The following DEUP1 variants were observed in gnomAD, a reference collection of about 807,000 sequenced individuals.
The protein encoded by DEUP1 is deuterosome assembly protein 1.
DEUP1 carries 82 observed loss-of-function variants against 87.4 expected under a neutral mutation model. That is an observed-to-expected ratio of 0.94 (90% CI 0.78 to 1.13). DEUP1 has a LOEUF of 1.13. Among genes scored for constraint, DEUP1 ranks in the 50% most tolerant of loss-of-function variants. DEUP1 has a pLI of 0.00. For missense variants in DEUP1, 663 were observed against 681.5 expected (o/e 0.97, Z 0.30); for synonymous variants, 214 against 222.7 (o/e 0.96, Z 0.35).
intron 9 of DEUP1, 87 bp from the exon 10 acceptor site, chr11:93,394,372 T>A: frequency 3.1e-6 from 3 of 957,534 alleles, no homozygotes; most frequent in Non-Finnish European, 4.5e-6. Flanking sequence ...AGTTTCAGAA[T>A]AGAAGGACTG....
At chr11:93,357,195 T>C in intron 4 of DEUP1, 152 bp downstream of exon 4, 1 of 561,262 alleles carries the variant, frequency 1.8e-6, no homozygotes, top group East Asian at 3.2e-5. Flanking sequence ...TTTATATGCA[T>C]TGATTTTGTC....
chr11:93,417,549 G>T (rs1338489412), intron 13 of DEUP1, among the ~76,000 whole-genome samples: 1 of 152,170 alleles, frequency 6.6e-6, no homozygotes, highest in Admixed American at 6.6e-5. Context: ...ACAAATGGAA[G>T]AACATTCCAT....
chr11:93,357,141 A>C, intron 4 of DEUP1, 98 bp downstream of exon 4: 1 of 703,166 alleles, frequency 1.4e-6, no homozygotes, highest in South Asian at 2.0e-5. Context: ...GTATAAACAA[A>C]TGTCTTGTAT....
chr11:93,375,006 T>G (rs1214430420), intron 7 of DEUP1, among the ~76,000 whole-genome samples: 1 of 151,600 alleles, frequency 6.6e-6, no homozygotes, highest in African/African-American at 2.4e-5. Context: ...CTTGGGTAGG[T>G]ATATTCCTAA....
chr11:93,406,051 T>C (rs1031074265), intron 11 of DEUP1, among the ~76,000 whole-genome samples: 2 of 152,002 alleles, frequency 1.3e-5, no homozygotes, highest in African/African-American at 4.8e-5. Flanking sequence ...GTTTTTATTG[T>C]GAGAATATAT....
chr11:93,430,537 T>A (rs1948072615), intron 13 of DEUP1, among the ~76,000 whole-genome samples: 1 of 152,066 alleles, frequency 6.6e-6, no homozygotes, highest in South Asian at 2.1e-4. Context: ...AATAGGTAAA[T>A]GAAATCCACT....
At chr11:93,414,921 T>C in intron 12 of DEUP1, 79 bp from the exon 13 acceptor site, 1 of 749,902 alleles carries the variant, frequency 1.3e-6, no homozygotes, top group Non-Finnish European at 2.0e-6. Flanking sequence ...CTTGGACATC[T>C]GAGAGATTAA....
In DEUP1 at chr11:93,420,443, C is replaced by A. The variant is rs1476810008; in HGVS notation, c.1638+5329C>A. ...TCATAAGAGCTATCTATGACAAACC[C>A]ATAGCCAATATCATACTGAATGGGC... On this transcript the variant is annotated intron_variant, in intron 13 of 13. Transcript: ENST00000298050. Among the ~76,000 whole-genome samples, 6 of 152,160 alleles carry A rather than the reference C, an allele frequency of 3.9e-5. 1 individual carries two copies. Among genetic ancestry groups the A allele is most frequent in the South Asian group, 4.2e-4 (2 of 4,810 alleles).
Position 93,437,767 on chromosome 11 carries a change from A to C in DEUP1, c.*48A>C. ...TTCCCCCCCCCACCCCCGCCAAGAAAAAAAGCTCTGGCAAAATATTTACAA... is the reference window on the plus strand; with the variant it reads ...TTCCCCCCCCCACCCCCGCCAAGAACAAAAGCTCTGGCAAAATATTTACAA... On this transcript the variant is annotated 3_prime_UTR_variant, in exon 14 of 14. Transcript: ENST00000298050. 3.3e-6 allele frequency: 3 copies of C among 907,398 alleles called. No individual in the cohort carries two copies. The highest frequency in any genetic ancestry group is 5.0e-6 in the Non-Finnish European group (3 of 600,818). The allele number at this position is 907,398 out of a possible 1,614,324, so 56.2% of individuals were successfully genotyped here.
upstream of DEUP1, chr11:93,330,612 G>A (rs1943419872): frequency 6.6e-6 from 1 of 152,564 alleles, no homozygotes; most frequent in Non-Finnish European, 1.5e-5. Flanking sequence ...GGGAGGGAGA[G>A]GCCCAACTGC....
At chr11:93,410,655 A>C (rs1394082218) in intron 12 of DEUP1, among the ~76,000 whole-genome samples, 1 of 152,240 alleles carries the variant, frequency 6.6e-6, no homozygotes, top group Non-Finnish European at 1.5e-5. Context: ...GTGCTAGTTG[A>C]GAATAACTTT....
chr11:93,368,837 G>A (rs1262160178), intron 5 of DEUP1, among the ~76,000 whole-genome samples: 2 of 152,140 alleles, frequency 1.3e-5, no homozygotes, highest in Non-Finnish European at 2.9e-5. Context: ...TCAGGAGGCT[G>A]AGACAGGAGG....
intron 4 of DEUP1, among the ~76,000 whole-genome samples, chr11:93,363,019 G>A (rs1409472138): frequency 6.6e-6 from 1 of 151,728 alleles, no homozygotes; most frequent in East Asian, 1.9e-4. Context: ...CTCAATATAT[G>A]AATGGTTAAA....
chr11:93,412,507 G>C (rs376720135), intron 12 of DEUP1, among the ~76,000 whole-genome samples: 1 of 152,096 alleles, frequency 6.6e-6, no homozygotes, highest in African/African-American at 2.4e-5. Flanking sequence ...TCATAATGTC[G>C]TCTCTACATT....
At chr11:93,397,293 G>A (rs1946973251) in intron 11 of DEUP1, among the ~76,000 whole-genome samples, 1 of 152,062 alleles carries the variant, frequency 6.6e-6, no homozygotes, top group East Asian at 1.9e-4. Context: ...GAAGCATTCT[G>A]TCTTCTTCTT....
chr11:93,341,420 C>T (rs548509692), intron 2 of DEUP1, among the ~76,000 whole-genome samples: 2 of 152,286 alleles, frequency 1.3e-5, no homozygotes, highest in East Asian at 1.9e-4. Flanking sequence ...CCTCCCCAGC[C>T]ATGTGGAACT....
intron 2 of DEUP1, among the ~76,000 whole-genome samples, chr11:93,341,209 G>C (rs1264421328): frequency 6.6e-6 from 1 of 151,720 alleles, no homozygotes; most frequent in Non-Finnish European, 1.5e-5. Context: ...CTTGGCACCA[G>C]GAGTTTGAGA....
At chr11:93,386,447 T>G (rs1946563078) in intron 8 of DEUP1, among the ~76,000 whole-genome samples, 3 of 152,222 alleles carry the variant, frequency 2.0e-5, no homozygotes, top group Non-Finnish European at 4.4e-5. Context: ...TCATAGAACT[T>G]GAATCTTTCT....
intron 2 of DEUP1, among the ~76,000 whole-genome samples, chr11:93,344,463 A>G (rs1345146530): frequency 6.6e-6 from 1 of 151,802 alleles, no homozygotes; most frequent in Admixed American, 6.6e-5. Context: ...GTTTCATGAC[A>G]TAGTCTCCTG....
Sources: allele counts gnomAD v4.1 joint callset (sites outside exome capture counted in the v4.1 genomes callset), GRCh38; gene constraint gnomAD v4.1.1; transcripts MANE v1.5; gene names NCBI Gene and HGNC (gene_info 2026-07-23, HGNC 2026-07-21).